TMEM117: variants seen among roughly 807,000 people sequenced by gnomAD.
The protein encoded by TMEM117 is transmembrane protein 117.
Under a neutral mutation model 52.4 loss-of-function variants are expected in TMEM117, and 27 were observed. That is an observed-to-expected ratio of 0.51 (90% confidence interval 0.38 to 0.71). TMEM117 has a LOEUF of 0.71. TMEM117 is among the 30% of genes least tolerant of loss of function. The pLI is 0.00. For missense variants in TMEM117, 556 were observed against 630.5 expected, an observed-to-expected ratio of 0.88 and a Z score of 1.26; for synonymous variants, 215 against 206.3, an observed-to-expected ratio of 1.04 and a Z score of -0.36.
chr12:43,887,703 C>T (rs543784864), intron 2 of TMEM117, among the ~76,000 whole-genome samples: 5 of 152,196 alleles, frequency 3.3e-5, no homozygotes, highest in African/African-American at 7.2e-5. Context: ...ACACTTATGA[C>T]GGCAGAAAGT....
chr12:43,872,975 C>T (rs866316980), intron 2 of TMEM117, among the ~76,000 whole-genome samples: 1 of 152,016 alleles, frequency 6.6e-6, no homozygotes, highest in South Asian at 2.1e-4. Flanking sequence ...ATAAGTCAGA[C>T]TCTAAAATGT....
intron 3 of TMEM117, among the ~76,000 whole-genome samples, chr12:44,117,153 G>A (rs918204273): frequency 6.6e-6 from 1 of 151,982 alleles, no homozygotes; most frequent in Non-Finnish European, 1.5e-5. Context: ...CCTTAGTTTT[G>A]ACTTCAGTTT....
At chr12:44,378,188 A>G (rs748148192) in intron 7 of TMEM117, among the ~76,000 whole-genome samples, 33 of 152,190 alleles carry the variant, frequency 2.2e-4, no homozygotes, top group Non-Finnish European at 3.8e-4. Context: ...GTCTCTGACT[A>G]TAAGAATGCC....
chr12:44,008,809 G>A, intron 3 of TMEM117: 1 of 443,922 alleles, frequency 2.3e-6, no homozygotes, highest in Non-Finnish European at 4.5e-6. Context: ...GACATTTAAA[G>A]GACTTCTCTC....
At position 43,998,170 on chromosome 12, in the gene TMEM117, A is replaced by G. The variant is rs150895357; in HGVS notation, c.410+53828A>G. ...GTGCAATACCTAGATTATTTTGTAGATAGGATAGTGGTTCTGCCTGCAAGC... is the reference window on the plus strand; with the variant it reads ...GTGCAATACCTAGATTATTTTGTAGGTAGGATAGTGGTTCTGCCTGCAAGC... On this transcript the variant is annotated intron_variant, in intron 3 of 7. Transcript: ENST00000266534. 2.4e-4 allele frequency among the ~76,000 whole-genome samples: 36 copies of G among 152,348 alleles called. No individual in the cohort carries two copies. In the East Asian group the frequency reaches 4.6e-3, roughly 20 times the overall value.
At chr12:44,012,055 G>A (rs1946300394) in intron 3 of TMEM117, among the ~76,000 whole-genome samples, 1 of 152,160 alleles carries the variant, frequency 6.6e-6, no homozygotes, top group African/African-American at 2.4e-5. Flanking sequence ...TGTTGACAGA[G>A]GGCAACTGAA....
chr12:44,318,753 G>C (rs1017756429), intron 6 of TMEM117, among the ~76,000 whole-genome samples: 1 of 152,016 alleles, frequency 6.6e-6, no homozygotes, highest in Non-Finnish European at 1.5e-5. Flanking sequence ...TGGGTGCTCT[G>C]ACTGCCTAGG....
intron 2 of TMEM117, among the ~76,000 whole-genome samples, chr12:43,937,024 A>T (rs942745029): frequency 6.6e-6 from 1 of 152,308 alleles, no homozygotes; most frequent in African/African-American, 2.4e-5. Flanking sequence ...GGCTGGACCA[A>T]GTCCCCCAAG....
chr12:44,374,914 A>C (rs772733818), intron 6 of TMEM117, among the ~76,000 whole-genome samples: 8 of 152,146 alleles, frequency 5.3e-5, no homozygotes, highest in Non-Finnish European at 1.0e-4. Flanking sequence ...TCATTTATGC[A>C]GGGCAAGTGA....
intron 3 of TMEM117, among the ~76,000 whole-genome samples, chr12:43,985,285 C>T (rs1331584885): frequency 6.6e-6 from 1 of 151,678 alleles, no homozygotes. Context: ...CTGCCAAAGC[C>T]CAAAAGCCAG....
intron 3 of TMEM117, among the ~76,000 whole-genome samples, chr12:43,995,674 C>A (rs1946017936): frequency 6.6e-6 from 1 of 152,184 alleles, no homozygotes. Flanking sequence ...TTTCATCTCT[C>A]ACCTCCCTCC....
At chr12:44,250,478 C>G (rs568828047) in intron 5 of TMEM117, among the ~76,000 whole-genome samples, 51 of 152,192 alleles carry the variant, frequency 3.4e-4, no homozygotes, top group African/African-American at 1.2e-3. Flanking sequence ...CCCAGCAATC[C>G]CATTACTGGG....
intron 3 of TMEM117, among the ~76,000 whole-genome samples, chr12:44,107,399 C>T (rs1427416631): frequency 2.6e-5 from 4 of 152,044 alleles, no homozygotes; most frequent in Non-Finnish European, 5.9e-5. Context: ...CTCAGGTTTA[C>T]ATTATCTACT....
chr12:44,090,892 G>A (rs1316669649), intron 3 of TMEM117, among the ~76,000 whole-genome samples: 2 of 130,740 alleles, frequency 1.5e-5, no homozygotes, highest in Non-Finnish European at 3.1e-5. Context: ...ACCTCTTGCT[G>A]ATAGAGCGTA....
intron 5 of TMEM117, among the ~76,000 whole-genome samples, chr12:44,231,174 A>G (rs1387731287): frequency 6.6e-6 from 1 of 151,640 alleles, no homozygotes; most frequent in African/African-American, 2.4e-5. Context: ...TTTCTTTATC[A>G]TTTCACCAAT....
At chr12:43,975,854 A>G (rs1350161230) in intron 3 of TMEM117, among the ~76,000 whole-genome samples, 1 of 152,200 alleles carries the variant, frequency 6.6e-6, no homozygotes, top group East Asian at 1.9e-4. Flanking sequence ...AGAAAGCATT[A>G]TGGCTTTAGG....
chr12:43,990,466 G>T (rs1342811076), intron 3 of TMEM117, among the ~76,000 whole-genome samples: 1 of 151,980 alleles, frequency 6.6e-6, no homozygotes, highest in East Asian at 1.9e-4. Context: ...AAAAGGAGAG[G>T]GCATTTATAA....
chr12:44,223,535 A>G (rs79530882), intron 5 of TMEM117, among the ~76,000 whole-genome samples: 4 of 152,192 alleles, frequency 2.6e-5, no homozygotes, highest in African/African-American at 9.6e-5. Context: ...TCTTACCCCC[A>G]AAGTAGAAAT....
intron 3 of TMEM117, among the ~76,000 whole-genome samples, chr12:44,051,008 G>A (rs1217797132): frequency 1.3e-5 from 2 of 152,126 alleles, no homozygotes; most frequent in Non-Finnish European, 2.9e-5. Context: ...CATTTATTAC[G>A]ATCCTTGGGA....
Sources: allele counts gnomAD v4.1 joint callset (sites outside exome capture counted in the v4.1 genomes callset), GRCh38; gene constraint gnomAD v4.1.1; transcripts MANE v1.5; gene names NCBI Gene and HGNC (gene_info 2026-07-23, HGNC 2026-07-21).